The following TADA1 variants were observed in gnomAD, a reference collection of about 807,000 sequenced individuals.
TADA1 encodes the protein transcriptional adapter 1.
In TADA1, 23 loss-of-function variants were observed where a neutral mutation model predicts 39.3. The ratio of observed to expected loss-of-function variants is 0.58; its 90% CI spans 0.42 to 0.83. TADA1 has a LOEUF of 0.83. Ranked by LOEUF, TADA1 falls within the 40% of genes least tolerant of loss-of-function variation. The pLI, the probability that TADA1 is intolerant of heterozygous loss-of-function variation, is 0.00. For synonymous variants in TADA1, 137 were observed against 151.8 expected (o/e 0.90, Z 0.72); for missense variants, 352 against 408.1 (o/e 0.86, Z 1.18).
At chr1:166,869,689 A>G (rs1250258059) in intron 2 of TADA1, 74 bp downstream of exon 2, 2 of 1,532,132 alleles carry the variant, frequency 1.3e-6, no homozygotes, top group African/African-American at 1.4e-5. Flanking sequence ...TACTTTTTAA[A>G]AAGGGAAAAG....
At chr1:166,860,047 A>C in intron 6 of TADA1, 139 bp downstream of exon 6, 1 of 809,570 alleles carries the variant, frequency 1.2e-6, no homozygotes, top group Non-Finnish European at 1.8e-6. Flanking sequence ...CAAGTATAGG[A>C]CTTTAAAAAA....
At position 166,862,202 on chromosome 1, in the gene TADA1, C is replaced by G; in HGVS notation, c.540+1G>C. ...ATTATTTCTGCCAACAGCAAACCAA[C>G]CTCCACAGCATAGACAACAGCTGAA... is the stretch of plus-strand genomic sequence containing the variant. On this transcript the variant is annotated splice_donor_variant, in intron 5 of 7. Transcript: ENST00000367874. LOFTEE classifies it high-confidence loss of function. 2 of 1,613,064 alleles carry G rather than the reference C, an allele frequency of 1.2e-6. No individual in the cohort carries two copies. Among genetic ancestry groups the G allele is most frequent in the Non-Finnish European group, 1.7e-6 (2 of 1,179,876 alleles).
At chr1:166,865,870 T>C (rs1220146639) in intron 3 of TADA1, among the ~76,000 whole-genome samples, 3 of 151,852 alleles carry the variant, frequency 2.0e-5, no homozygotes, top group East Asian at 1.9e-4. Context: ...AAATCACCCA[T>C]AATCATAGTA....
chr1:166,869,896 G>A (rs1658619821), intron 1 of TADA1, 42 bp from the exon 2 acceptor site: 2 of 1,540,304 alleles, frequency 1.3e-6, no homozygotes, highest in African/African-American at 1.4e-5. Context: ...AGATTTGGCT[G>A]CTTCTAGTTT....
chr1:166,864,820 G>A lies in TADA1; in HGVS notation c.233-899C>T, dbSNP rs369733196. Among the ~76,000 whole-genome samples, 4 of 152,208 alleles carry A rather than the reference G, an allele frequency of 2.6e-5. No individual in the cohort carries two copies. In the South Asian group the frequency reaches 6.2e-4, roughly 24 times the overall value. On this transcript the variant is annotated intron_variant, in intron 3 of 7. Transcript: ENST00000367874. ...AGGGGGTTAGAAGGAAGGTGGGGAG[G>A]GAATAAGGACTCTTCTCTAGTTAAA...
chr1:166,864,255 T>G (rs899981426), intron 3 of TADA1, among the ~76,000 whole-genome samples: 1 of 152,216 alleles, frequency 6.6e-6, no homozygotes, highest in Non-Finnish European at 1.5e-5. Flanking sequence ...TGAGCACATG[T>G]ATTTATCTCC....
chr1:166,875,118 G>T (rs1026449300), intron 1 of TADA1, among the ~76,000 whole-genome samples: 1 of 152,220 alleles, frequency 6.6e-6, no homozygotes, highest in Non-Finnish European at 1.5e-5. Context: ...ACTGAGTAAT[G>T]CAAATGTGTA....
chr1:166,875,851 T>A (rs1337612290), intron 1 of TADA1, among the ~76,000 whole-genome samples: 2 of 152,182 alleles, frequency 1.3e-5, no homozygotes, highest in Non-Finnish European at 2.9e-5. Context: ...ACGCCCGCGC[T>A]GGGGCCCGCA....
At chr1:166,869,728 G>A (rs1658615701) in intron 2 of TADA1, 35 bp downstream of exon 2, 1 of 1,583,898 alleles carries the variant, frequency 6.3e-7, no homozygotes, top group African/African-American at 1.3e-5. Flanking sequence ...GAAAACTACA[G>A]AATAGTAAAA....
At chr1:166,858,383 TTA>T in intron 6 of TADA1, 102 bp from the exon 7 acceptor site, 3 of 889,618 alleles carry the variant, frequency 3.4e-6, no homozygotes, top group Non-Finnish European at 4.9e-6. Flanking sequence ...TTTAATTGAA[TTA>T]GAAATCCATT....
rs752828629 is a variant in TADA1, at chr1:166,858,145, TG to T, written c.828del (p.Asn276LysfsTer79). ...TGCAAAGCTTCAAAAAGATCGTACA[TG>T]TTCACCGGAGGCAAAGATGCAGGTA... ...DTLPASLPPV[N>X]MYDLFEALQV... On this transcript the variant is annotated frameshift_variant, in exon 7 of 8. Transcript: ENST00000367874. LOFTEE classifies it high-confidence loss of function. The T allele has an allele frequency of 1.2e-6, 2 of 1,614,144 alleles. No homozygotes were observed. The highest frequency in any genetic ancestry group is 1.7e-5 in the Admixed American group (1 of 60,006).
At position 166,856,613 on chromosome 1, in the gene TADA1, C is replaced by A. The variant is rs1358969631; in HGVS notation, c.*954G>T. 2.0e-5 allele frequency: 3 copies of A among 152,576 alleles called. No homozygotes were observed. The highest frequency in any genetic ancestry group is 4.4e-5 in the Non-Finnish European group (3 of 68,030). 9.5% of individuals were successfully genotyped at this position (152,576 alleles called of 1,614,324 possible). On this transcript the variant is annotated 3_prime_UTR_variant, in exon 8 of 8. Coordinates refer to ENST00000367874, the MANE Select transcript of TADA1 (RefSeq NM_053053.4). Reference sequence around the variant, plus strand: ...CATATCTATACAACCATTATTTAGACTTTCACAAACCTATCTATACATTCT... The same window carrying A: ...CATATCTATACAACCATTATTTAGAATTTCACAAACCTATCTATACATTCT...
chr1:166,860,193 T>A lies in TADA1; in HGVS notation c.685A>T (p.Ile229Leu). The change falls in exon 6 of 8, where the codon ATA (isoleucine) becomes TTA (leucine). Residue 229 changes from isoleucine (I) to leucine (L), a missense_variant. Physicochemically the swap from Ile to Leu is conservative, Grantham distance 5 (BLOSUM62 2). This residue lies in a region of TADA1 where 285 missense variants were observed against 310.9 expected (regional missense o/e 0.92). Coordinates refer to ENST00000367874, the MANE Select transcript of TADA1 (RefSeq NM_053053.4). ...KNSVVAYNNL[I>L]ESPPAFTAPC... ...ACAAGAAACTTCATTTACCTTTCTA[T>A]TAAGTTGTTGTAAGCTACTACACTA... The A allele has an allele frequency of 1.3e-6, 2 of 1,597,260 alleles. No individual in the cohort carries two copies. Among genetic ancestry groups the A allele is most frequent in the Admixed American group, 1.8e-5 (1 of 55,436 alleles).
Position 166,869,421 on chromosome 1 carries a change from C to T in TADA1, c.232+24G>A, listed in dbSNP as rs754709102. The T allele has an allele frequency of 6.9e-6, 11 of 1,594,510 alleles. No homozygotes were observed. The East Asian group carries it at 2.0e-4, about 29-fold the overall frequency. On this transcript the variant is annotated intron_variant, in intron 3 of 7. Coordinates refer to ENST00000367874, the MANE Select transcript of TADA1 (RefSeq NM_053053.4). ...CTAGTGCTTTGCTGACTTACACACA[C>T]TGGAAGTATTTCCACTCCCTTACCT...
At chr1:166,875,153 GCAA>G (rs1208719388) in intron 1 of TADA1, among the ~76,000 whole-genome samples, 2 of 152,212 alleles carry the variant, frequency 1.3e-5, no homozygotes, top group African/African-American at 4.8e-5. Flanking sequence ...CCATCTAGCA[GCAA>G]CAACACAGGC....
In TADA1 at chr1:166,865,564, G is replaced by A. The variant is rs143900360; in HGVS notation, c.233-1643C>T. ...TGCGGTGGCTCAAGCCTGTAATCCC[G>A]ACACTTTGGGAGGCCGAGGCGGGCA... is the stretch of plus-strand genomic sequence containing the variant. On this transcript the variant is annotated intron_variant, in intron 3 of 7. Transcript: ENST00000367874. Among the ~76,000 whole-genome samples, 1,034 of 151,788 alleles carry A rather than the reference G, an allele frequency of 6.8e-3. 6 individuals are homozygous for A. Among genetic ancestry groups the A allele is most frequent in the Non-Finnish European group, 0.011 (740 of 67,944 alleles).
chr1:166,865,159 C>T (rs1031740516), intron 3 of TADA1, among the ~76,000 whole-genome samples: 136 of 152,082 alleles, frequency 8.9e-4, no homozygotes, highest in African/African-American at 2.9e-3. Context: ...AACAGGTATC[C>T]GCAGAAAACT....
chr1:166,875,199 A>G (rs1445375056), intron 1 of TADA1, among the ~76,000 whole-genome samples: 1 of 152,222 alleles, frequency 6.6e-6, no homozygotes, highest in African/African-American at 2.4e-5. Context: ...TTTGCTTCCT[A>G]TATTTTTGAA....
chr1:166,858,009 G>A, intron 7 of TADA1, 110 bp downstream of exon 7: 1 of 1,385,350 alleles, frequency 7.2e-7, no homozygotes, highest in African/African-American at 1.5e-5. Context: ...AGACAAAACT[G>A]AAAAACACAA....
Sources: gnomAD v4.1 joint callset for allele counts (sites outside exome capture counted in the v4.1 genomes callset) on GRCh38, gnomAD v4.1.1 for gene constraint, gnomAD v4.1.1 regional missense constraint, MANE v1.5 for transcripts, NCBI Gene and HGNC (gene_info 2026-07-23, HGNC 2026-07-21) for gene names.